Variants in EPM2A observed in about 807,000 individuals in gnomAD.
The protein encoded by EPM2A is laforin.
A neutral mutation model predicts 26.5 loss-of-function variants in EPM2A; 21 were observed. That is an observed-to-expected ratio of 0.79 (90% confidence interval 0.56 to 1.14). The LOEUF is 1.14. Ranked by LOEUF, EPM2A falls within the 50% of genes most tolerant of loss-of-function variation. The pLI is 0.00. For missense variants in EPM2A, 458 were observed against 440.8 expected, an observed-to-expected ratio of 1.04 and a Z score of -0.35; for synonymous variants, 217 against 177.6, an observed-to-expected ratio of 1.22 and a Z score of -1.76.
At chr6:145,513,634 C>T (rs1780085763) in intron 2 of EPM2A, among the ~76,000 whole-genome samples, 1 of 152,144 alleles carries the variant, frequency 6.6e-6, no homozygotes, top group African/African-American at 2.4e-5. Context: ...TTTATCTAAC[C>T]TAGTTAAAGT....
intron 4 of EPM2A, among the ~76,000 whole-genome samples, chr6:145,417,678 G>T (rs1778727273): frequency 6.6e-6 from 1 of 152,056 alleles, no homozygotes; most frequent in Admixed American, 6.5e-5. Flanking sequence ...AATTGAGGGG[G>T]TGACTTTTTT....
At chr6:145,515,392 G>C (rs912065653) in intron 2 of EPM2A, among the ~76,000 whole-genome samples, 1 of 152,098 alleles carries the variant, frequency 6.6e-6, no homozygotes, top group Admixed American at 6.5e-5. Flanking sequence ...AGCCTGTTTG[G>C]TCTTCTGTAG....
At chr6:145,598,879 T>C (rs758387103) in intron 2 of EPM2A, among the ~76,000 whole-genome samples, 1 of 151,394 alleles carries the variant, frequency 6.6e-6, no homozygotes, top group Non-Finnish European at 1.5e-5. Flanking sequence ...TCCCCATTGC[T>C]TGTTTTTATC....
At chr6:145,443,244 T>C (rs1043500723) in intron 4 of EPM2A, among the ~76,000 whole-genome samples, 24 of 152,202 alleles carry the variant, frequency 1.6e-4, no homozygotes, top group Admixed American at 1.0e-3. Flanking sequence ...AACCTTAGAA[T>C]ACATTTTTCT....
At chr6:145,436,603 GC>G (rs1778992652) in intron 4 of EPM2A, among the ~76,000 whole-genome samples, 1 of 151,854 alleles carries the variant, frequency 6.6e-6, no homozygotes, top group Non-Finnish European at 1.5e-5. Flanking sequence ...ATGATGTTGA[GC>G]TTTTTTTTGT....
chr6:145,415,412 T>C (rs1778694566), intron 4 of EPM2A, among the ~76,000 whole-genome samples: 1 of 152,242 alleles, frequency 6.6e-6, no homozygotes, highest in Non-Finnish European at 1.5e-5. Context: ...ACAGATACTC[T>C]AGCCTTCCAC....
At chr6:145,622,751 C>G (rs567744347), downstream of EPM2A, among the ~76,000 whole-genome samples, 1 of 152,302 alleles carries the variant, frequency 6.6e-6, no homozygotes, top group South Asian at 2.1e-4. Context: ...ACTGGCGCTG[C>G]TCACCCTTTC....
intron 2 of EPM2A, among the ~76,000 whole-genome samples, chr6:145,525,948 T>C (rs1780267577): frequency 2.0e-5 from 3 of 152,122 alleles, no homozygotes; most frequent in Admixed American, 1.3e-4. Context: ...TGACTCTTAT[T>C]ACTTTGAGTT....
intron 2 of EPM2A, among the ~76,000 whole-genome samples, chr6:145,578,165 C>T (rs1403792780): frequency 1.3e-5 from 2 of 151,726 alleles, no homozygotes; most frequent in African/African-American, 4.8e-5. Context: ...CAAGCCAAAT[C>T]CAATTAGTAG....
intron 2 of EPM2A, among the ~76,000 whole-genome samples, chr6:145,597,727 C>A (rs1446146030): frequency 6.6e-6 from 1 of 152,100 alleles, no homozygotes; most frequent in African/African-American, 2.4e-5. Context: ...CCTCTCTTTC[C>A]TTTCACCCTC....
At chr6:145,700,240 T>G (rs1781835616) in intron 1 of EPM2A, among the ~76,000 whole-genome samples, 1 of 152,182 alleles carries the variant, frequency 6.6e-6, no homozygotes, top group African/African-American at 2.4e-5. Flanking sequence ...CAGAGATGTT[T>G]ATTTTTGTGT....
chr6:145,729,596 T>C (rs1279074688), intron 1 of EPM2A, among the ~76,000 whole-genome samples: 3 of 151,446 alleles, frequency 2.0e-5, no homozygotes, highest in Non-Finnish European at 4.4e-5. Context: ...GTCTCCCTTT[T>C]GGAATGGGAG....
chr6:145,588,041 C>A (rs529858380), intron 2 of EPM2A, among the ~76,000 whole-genome samples: 1 of 152,234 alleles, frequency 6.6e-6, no homozygotes, highest in South Asian at 2.1e-4. Flanking sequence ...TTATAAAGGA[C>A]ACACTTATCA....
At chr6:145,545,408 T>C (rs1306505515) in intron 2 of EPM2A, among the ~76,000 whole-genome samples, 2 of 152,106 alleles carry the variant, frequency 1.3e-5, no homozygotes, top group African/African-American at 4.8e-5. Flanking sequence ...TAACATTCCG[T>C]TGGCCAAGCA....
At chr6:145,686,329 T>A in intron 1 of EPM2A, 33 bp from the exon 2 acceptor site, 1 of 1,567,898 alleles carries the variant, frequency 6.4e-7, no homozygotes, top group Non-Finnish European at 8.8e-7. Context: ...ACAGAGCAAT[T>A]AAATCAGTGT....
At chr6:145,473,215 GA>G (rs1186961186) in intron 4 of EPM2A, among the ~76,000 whole-genome samples, 2 of 150,776 alleles carry the variant, frequency 1.3e-5, no homozygotes, top group Non-Finnish European at 3.0e-5. Context: ...TTGAAGTAAT[GA>G]AAAAAAATCA....
At chr6:145,432,937 G>A (rs1204881929) in intron 4 of EPM2A, among the ~76,000 whole-genome samples, 3 of 151,960 alleles carry the variant, frequency 2.0e-5, no homozygotes, top group East Asian at 3.9e-4. Context: ...TTTAAACCTG[G>A]TGAACCAACT....
Position 145,571,607 on chromosome 6 carries a change from C to T in EPM2A, c.340+63638G>A, listed in dbSNP as rs549659003. On this transcript the variant is annotated intron_variant, in intron 2 of 3. Coordinates refer to the EPM2A transcript ENST00000450221. ...GAGGTCCAGTATAATCAACCTGCCA[C>T]GAAGTAGCTGGCTGATTACCTAAGC... 2.4e-4 allele frequency among the ~76,000 whole-genome samples: 36 copies of T among 152,310 alleles called. 1 individual carries two copies. The highest frequency in any genetic ancestry group is 1.8e-3 in the Admixed American group (27 of 15,294).
chr6:145,506,461 A>G (rs1779975006), intron 2 of EPM2A, among the ~76,000 whole-genome samples: 1 of 152,114 alleles, frequency 6.6e-6, no homozygotes, highest in Admixed American at 6.5e-5. Flanking sequence ...TAAAACACCT[A>G]AAAGTCTAAA....
Sources: gnomAD v4.1 joint callset for allele counts (sites outside exome capture counted in the v4.1 genomes callset) on GRCh38, gnomAD v4.1.1 for gene constraint, MANE v1.5 for transcripts, NCBI Gene and HGNC (gene_info 2026-07-23, HGNC 2026-07-21) for gene names.